Variants in WNT7A observed in about 807,000 individuals in gnomAD.
WNT7A encodes Wnt family member 7A, also known as protein Wnt-7a.
In WNT7A, 16 loss-of-function variants were observed where a neutral mutation model predicts 28.2. The observed-to-expected ratio is 0.57, with a 90% CI of 0.38 to 0.86. The LOEUF (loss-of-function observed/expected upper bound fraction) is 0.86. WNT7A is among the 40% of genes least tolerant of loss of function. The pLI is 0.00. For missense variants in WNT7A, 411 were observed against 489.7 expected (o/e 0.84, Z 1.52); for synonymous variants, 190 against 195.9 (o/e 0.97, Z 0.25).
At chr3:13,828,895 C>T (rs1386245131) in intron 3 of WNT7A, among the ~76,000 whole-genome samples, 2 of 152,164 alleles carry the variant, frequency 1.3e-5, no homozygotes, top group Admixed American at 6.5e-5. Context: ...TCAGGTCACC[C>T]AAGAAGCTCA....
In WNT7A at chr3:13,853,925, G is replaced by A. The variant is rs575972175; in HGVS notation, c.570+607C>T. Among the ~76,000 whole-genome samples the A allele has an allele frequency of 2.8e-3, 420 of 152,298 alleles. 1 individual carries two copies. The highest frequency in any genetic ancestry group is 0.024 in the Middle Eastern group (7 of 294). ...GAGCCTGGGACCTGGGACCTGCAGG[G>A]TGATTGGACCACAAAAACAGGGAGG... On this transcript the variant is annotated intron_variant, in intron 3 of 3. Transcript: ENST00000285018.
chr3:13,879,361 A>C (rs1470960017), intron 1 of WNT7A, among the ~76,000 whole-genome samples: 1 of 151,962 alleles, frequency 6.6e-6, no homozygotes, highest in Non-Finnish European at 1.5e-5. Context: ...GAGCTCCCCG[A>C]GATTGGCTGT....
chr3:13,836,662 C>A (rs966759477), intron 3 of WNT7A, among the ~76,000 whole-genome samples: 2 of 152,140 alleles, frequency 1.3e-5, no homozygotes, highest in Non-Finnish European at 2.9e-5. Context: ...CAAGAAAAGC[C>A]CAGATAGTCA....
chr3:13,823,079 G>A (rs1575058688), intron 3 of WNT7A, among the ~76,000 whole-genome samples: 1 of 152,324 alleles, frequency 6.6e-6, no homozygotes, highest in East Asian at 1.9e-4. Flanking sequence ...TCCACATTAA[G>A]CCAGGCATAA....
chr3:13,862,224 C>A (rs1694841746), intron 2 of WNT7A, among the ~76,000 whole-genome samples: 2 of 152,240 alleles, frequency 1.3e-5, no homozygotes, highest in African/African-American at 4.8e-5. Flanking sequence ...CATATTATCA[C>A]TGAGACGAAA....
intron 3 of WNT7A, 61 bp downstream of exon 3, chr3:13,854,471 A>T: frequency 6.2e-7 from 1 of 1,611,274 alleles, no homozygotes; most frequent in Non-Finnish European, 8.5e-7. Context: ...CAGATGTTAC[A>T]AACAAGCCAT....
chr3:13,824,620 G>A (rs1052006629), intron 3 of WNT7A, among the ~76,000 whole-genome samples: 1 of 152,108 alleles, frequency 6.6e-6, no homozygotes, highest in African/African-American at 2.4e-5. Context: ...GGGCCGAGCC[G>A]AGCCCCACCC....
chr3:13,868,997 A>C (rs1694980416), intron 2 of WNT7A, among the ~76,000 whole-genome samples: 1 of 133,196 alleles, frequency 7.5e-6, no homozygotes, highest in Non-Finnish European at 1.6e-5. Context: ...AAAAAGAGAA[A>C]GAGAGAAAGA....
At chr3:13,878,832 G>A (rs1206663237) in intron 1 of WNT7A, among the ~76,000 whole-genome samples, 3 of 151,898 alleles carry the variant, frequency 2.0e-5, no homozygotes, top group African/African-American at 4.8e-5. Flanking sequence ...CCCCCACACC[G>A]CTCCGAGCCT....
At chr3:13,829,548 C>T (rs929441965) in intron 3 of WNT7A, among the ~76,000 whole-genome samples, 16 of 152,128 alleles carry the variant, frequency 1.1e-4, no homozygotes, top group African/African-American at 3.4e-4. Flanking sequence ...GCAGGGAGAG[C>T]GGCGCTGTGG....
At chr3:13,837,835 A>G (rs1308182386) in intron 3 of WNT7A, among the ~76,000 whole-genome samples, 5 of 152,070 alleles carry the variant, frequency 3.3e-5, no homozygotes, top group Non-Finnish European at 7.4e-5. Flanking sequence ...GCTACCAAAG[A>G]AGCCCTATGA....
At chr3:13,875,245 T>A (rs765703448) in intron 1 of WNT7A, 72 bp from the exon 2 acceptor site, 108 of 1,515,670 alleles carry the variant, frequency 7.1e-5, no homozygotes, top group Non-Finnish European at 7.2e-5. Flanking sequence ...CCTTCGTAGG[T>A]GTCCAGCACT....
chr3:13,875,610 A>G (rs951948539), intron 1 of WNT7A, among the ~76,000 whole-genome samples: 4 of 152,236 alleles, frequency 2.6e-5, no homozygotes, highest in Non-Finnish European at 5.9e-5. Flanking sequence ...AGTTTCATGC[A>G]GCAGGTGCCT....
chr3:13,828,725 C>T (rs1400133957), intron 3 of WNT7A, among the ~76,000 whole-genome samples: 1 of 152,222 alleles, frequency 6.6e-6, no homozygotes, highest in Non-Finnish European at 1.5e-5. Flanking sequence ...TGAAACCCCT[C>T]TGAGGTTGGC....
chr3:13,846,717 G>C (rs937170044), intron 3 of WNT7A, among the ~76,000 whole-genome samples: 1 of 151,968 alleles, frequency 6.6e-6, no homozygotes, highest in African/African-American at 2.4e-5. Flanking sequence ...CTTCCATCCC[G>C]TGGGTCCTGG....
intron 2 of WNT7A, among the ~76,000 whole-genome samples, chr3:13,855,669 C>T (rs527900336): frequency 1.3e-3 from 195 of 152,290 alleles, no homozygotes; most frequent in Non-Finnish European, 2.2e-3. Flanking sequence ...TCAGTCTCCT[C>T]ACCTGCAAAA....
chr3:13,879,101 G>A (rs1233421211), intron 1 of WNT7A, among the ~76,000 whole-genome samples: 3 of 152,238 alleles, frequency 2.0e-5, no homozygotes, highest in Non-Finnish European at 4.4e-5. Flanking sequence ...CTTTGTGTGT[G>A]TTTGTTGGGG....
At chr3:13,866,714 A>G (rs977304424) in intron 2 of WNT7A, among the ~76,000 whole-genome samples, 13 of 152,156 alleles carry the variant, frequency 8.5e-5, no homozygotes, top group African/African-American at 3.1e-4. Context: ...AGAGGTCCAT[A>G]AAGGAGCAGG....
At chr3:13,871,890 C>T (rs1695031502) in intron 2 of WNT7A, among the ~76,000 whole-genome samples, 1 of 152,174 alleles carries the variant, frequency 6.6e-6, no homozygotes, top group Admixed American at 6.5e-5. Context: ...GACCCCCTGC[C>T]CTGGCCTGAG....
Sources: gnomAD v4.1 joint callset for allele counts (sites outside exome capture counted in the v4.1 genomes callset) on GRCh38, gnomAD v4.1.1 for gene constraint, MANE v1.5 for transcripts, NCBI Gene and HGNC (gene_info 2026-07-23, HGNC 2026-07-21) for gene names.